ELAPOR1: variants seen among roughly 807,000 people sequenced by gnomAD.
ELAPOR1 encodes endosome/lysosome-associated apoptosis and autophagy regulator 1.
A neutral mutation model predicts 119.7 loss-of-function variants in ELAPOR1; 77 were observed. The ratio of observed to expected loss-of-function variants is 0.64; its 90% CI spans 0.54 to 0.78. The LOEUF (loss-of-function observed/expected upper bound fraction) is 0.78, where lower values mean the gene tolerates loss of function less well. ELAPOR1 is among the 30% of genes least tolerant of loss of function. The probability of loss-of-function intolerance (pLI) is 0.00; values close to 1 mark genes in which losing one functional copy is unlikely to be tolerated. For missense variants in ELAPOR1, 1,115 were observed against 1,270.4 expected, an observed-to-expected ratio of 0.88 and a Z score of 1.86; for synonymous variants, 481 against 487.2, an observed-to-expected ratio of 0.99 and a Z score of 0.17.
chr1:109,139,728 G>A (rs1362699896), intron 1 of ELAPOR1, among the ~76,000 whole-genome samples: 2 of 152,118 alleles, frequency 1.3e-5, no homozygotes, highest in Non-Finnish European at 2.9e-5. Context: ...TGTCATGGCT[G>A]CCAATTTCTA....
At chr1:109,139,289 C>T (rs564756089) in intron 1 of ELAPOR1, among the ~76,000 whole-genome samples, 1 of 152,076 alleles carries the variant, frequency 6.6e-6, no homozygotes, top group South Asian at 2.1e-4. Context: ...TACCATGAGC[C>T]ATGATCACAC....
At position 109,185,078 on chromosome 1, in the gene ELAPOR1, C is replaced by G; in HGVS notation, c.986C>G (p.Ala329Gly). The change falls in exon 8 of 22, where the codon GCT becomes GGT. Residue 329 changes from alanine (A) to glycine (G), a missense_variant. Transcript: ENST00000369939. The stretch of plus-strand genomic sequence containing the variant: ...TCTTCTTCCTGTAACGTGCGCCCAG[C>G]TTGCACAGACAAAGATTATTTCTAC... ...KGSSSCNVRP[A>G]CTDKDYFYTH... 1.2e-6 allele frequency: 2 copies of G among 1,614,118 alleles called. No homozygotes were observed. Among genetic ancestry groups the G allele is most frequent in the Non-Finnish European group, 1.7e-6 (2 of 1,179,970 alleles).
chr1:109,171,112 G>A (rs764997078), intron 3 of ELAPOR1, among the ~76,000 whole-genome samples: 1 of 152,130 alleles, frequency 6.6e-6, no homozygotes, highest in Non-Finnish European at 1.5e-5. Context: ...TCGCTGCTTC[G>A]TAATACTGGG....
At position 109,203,034 on chromosome 1, in the gene ELAPOR1, G is replaced by GCCGCCTCACCTT; in HGVS notation, c.*24_*25insGCCTCACCTTCC. 6.5e-7 allele frequency: 1 copy of GCCGCCTCACCTT among 1,549,756 alleles called. No individual in the cohort carries two copies. On this transcript the variant is annotated 3_prime_UTR_variant, in exon 22 of 22. Transcript: ENST00000369939. ...GTGAGAGGCACTGCCTGCCTCACCTGCCTCCTCACCTTGCATAGCACCTTT... is the reference window on the plus strand; with the variant it reads ...GTGAGAGGCACTGCCTGCCTCACCTGCCGCCTCACCTTCCTCCTCACCTTGCATAGCACCTTT...
At chr1:109,123,798 T>C (rs1159146759) in intron 1 of ELAPOR1, among the ~76,000 whole-genome samples, 2 of 152,210 alleles carry the variant, frequency 1.3e-5, no homozygotes, top group Non-Finnish European at 2.9e-5. Flanking sequence ...TGTATGGATA[T>C]AAATATATAC....
chr1:109,136,146 C>A (rs1313982290), intron 1 of ELAPOR1, among the ~76,000 whole-genome samples: 1 of 152,070 alleles, frequency 6.6e-6, no homozygotes, highest in Non-Finnish European at 1.5e-5. Context: ...TCATATGTAC[C>A]TTAGAGTACC....
intron 3 of ELAPOR1, among the ~76,000 whole-genome samples, chr1:109,165,454 G>A (rs1328371162): frequency 2.0e-5 from 3 of 151,978 alleles, no homozygotes; most frequent in East Asian, 1.9e-4. Context: ...GCCTGGTGGT[G>A]CATACCTGTG....
At chr1:109,201,442 A>G (rs1654169767) in intron 21 of ELAPOR1, 1 of 443,486 alleles carries the variant, frequency 2.3e-6, no homozygotes. Flanking sequence ...TATAAATGCA[A>G]TACAGACAAT....
intron 3 of ELAPOR1, among the ~76,000 whole-genome samples, chr1:109,170,978 G>A (rs1335104556): frequency 1.3e-5 from 2 of 152,188 alleles, no homozygotes; most frequent in Non-Finnish European, 2.9e-5. Context: ...GCATCTTATA[G>A]TAGACATTTC....
At chr1:109,193,708 G>T (rs1195690809) in intron 14 of ELAPOR1, among the ~76,000 whole-genome samples, 1 of 152,214 alleles carries the variant, frequency 6.6e-6, no homozygotes, top group Non-Finnish European at 1.5e-5. Flanking sequence ...ACATACATCT[G>T]TAAAGCACTA....
chr1:109,161,409 C>CA (rs59573644), intron 1 of ELAPOR1, among the ~76,000 whole-genome samples: 5,804 of 55,238 alleles, frequency 0.11, 436 homozygotes, highest in African/African-American at 0.17. Flanking sequence ...GACTCCGTCT[C>CA]AAAAAAAAAA....
intron 1 of ELAPOR1, among the ~76,000 whole-genome samples, chr1:109,128,217 A>G (rs1648918326): frequency 6.6e-6 from 1 of 152,186 alleles, no homozygotes; most frequent in Non-Finnish European, 1.5e-5. Context: ...ATGCAGCATG[A>G]AAAATAAAAT....
chr1:109,187,634 T>G (rs544512233), intron 8 of ELAPOR1: 1 of 1,002,222 alleles, frequency 1.0e-6, no homozygotes, highest in South Asian at 4.7e-5. Flanking sequence ...CTGTACCCAA[T>G]GCAGGGGCCA....
intron 7 of ELAPOR1, among the ~76,000 whole-genome samples, chr1:109,184,489 A>G (rs1652929457): frequency 6.6e-6 from 1 of 152,232 alleles, no homozygotes; most frequent in African/African-American, 2.4e-5. Context: ...GAATGATTGC[A>G]TGAAGAAAAG....
intron 17 of ELAPOR1, 77 bp from the exon 18 acceptor site, chr1:109,198,496 T>C: frequency 1.5e-6 from 2 of 1,308,948 alleles, no homozygotes; most frequent in South Asian, 1.3e-5. Flanking sequence ...AATTGCTCCA[T>C]GCGGATTTCT....
intron 5 of ELAPOR1, 41 bp from the exon 6 acceptor site, chr1:109,173,433 T>G (rs1294018467): frequency 6.4e-7 from 1 of 1,558,308 alleles, no homozygotes; most frequent in Non-Finnish European, 8.8e-7. Context: ...TAGCGAGATT[T>G]TTCTCTGTGA....
At position 109,200,038 on chromosome 1, in the gene ELAPOR1, C is replaced by A. The variant is rs201745957; in HGVS notation, c.2629-21C>A. The stretch of plus-strand genomic sequence containing the variant: ...GAGAAGGGAATGGGAGATCTGAGTT[C>A]CTTGTTTTTCTCCCCAACAGAAGAC... On this transcript the variant is annotated intron_variant, in intron 19 of 21. Coordinates refer to ENST00000369939, the MANE Select transcript of ELAPOR1 (RefSeq NM_020775.5). The A allele has an allele frequency of 1.6e-5, 26 of 1,613,068 alleles. No individual in the cohort carries two copies. The African/African-American group carries it at 3.3e-4, about 21-fold the overall frequency.
intron 7 of ELAPOR1, among the ~76,000 whole-genome samples, chr1:109,183,357 AG>A (rs1558057691): frequency 1.7e-3 from 15 of 9,056 alleles, no homozygotes; most frequent in African/African-American, 2.1e-3. Context: ...AACAAAAAAA[AG>A]AGAGAGAGAG....
At position 109,199,981 on chromosome 1, in the gene ELAPOR1, G is replaced by C; in HGVS notation, c.2628+1G>C. 6.2e-7 allele frequency: 1 copy of C among 1,614,158 alleles called. No homozygotes were observed. Among genetic ancestry groups the C allele is most frequent in the Non-Finnish European group, 8.5e-7 (1 of 1,180,002 alleles). ...CAGCAGCTGTGTGGCTGGGATCCAG[G>C]TGGGTTTCCCTCTGATCGGGCACTT... On this transcript the variant is annotated splice_donor_variant, in intron 19 of 21. Transcript: ENST00000369939. LOFTEE classifies it high-confidence loss of function.
Sources: allele counts gnomAD v4.1 joint callset (sites outside exome capture counted in the v4.1 genomes callset), GRCh38; gene constraint gnomAD v4.1.1; transcripts MANE v1.5; gene names NCBI Gene and HGNC (gene_info 2026-07-23, HGNC 2026-07-21).